Variants in GPR137C observed in about 807,000 individuals in gnomAD.
The protein encoded by GPR137C is G protein-coupled receptor 137C.
In GPR137C, 27 loss-of-function variants were observed where a neutral mutation model predicts 43.4. That is an observed-to-expected ratio of 0.62 (90% CI 0.46 to 0.86). The LOEUF is 0.86. Among genes scored for constraint, GPR137C ranks in the 40% least tolerant of loss-of-function variants. GPR137C has a pLI of 0.00. For missense variants in GPR137C, 522 were observed against 534.6 expected (o/e 0.98, Z 0.23); for synonymous variants, 285 against 226.9 (o/e 1.26, Z -2.30).
chr14:52,574,979 G>A (rs1364052198), intron 1 of GPR137C, among the ~76,000 whole-genome samples: 1 of 152,172 alleles, frequency 6.6e-6, no homozygotes, highest in Non-Finnish European at 1.5e-5. Flanking sequence ...CATAGTTTCA[G>A]CACAAATGCA....
intron 1 of GPR137C, among the ~76,000 whole-genome samples, chr14:52,577,522 A>T (rs887534629): frequency 6.6e-6 from 1 of 151,530 alleles, no homozygotes; most frequent in South Asian, 2.1e-4. Context: ...GCGCGCACAC[A>T]CACACACACA....
At chr14:52,618,062 G>C (rs2039119807) in intron 3 of GPR137C, among the ~76,000 whole-genome samples, 1 of 152,018 alleles carries the variant, frequency 6.6e-6, no homozygotes, top group African/African-American at 2.4e-5. Context: ...GAGGGGTCTT[G>C]TATAATGATC....
At chr14:52,570,274 T>C (rs914092916) in intron 1 of GPR137C, among the ~76,000 whole-genome samples, 24 of 152,078 alleles carry the variant, frequency 1.6e-4, no homozygotes, top group Admixed American at 5.9e-4. Context: ...AGAAATAAAA[T>C]CCTTTACAGA....
chr14:52,558,841 T>C (rs1185046682), intron 1 of GPR137C, among the ~76,000 whole-genome samples: 2 of 151,526 alleles, frequency 1.3e-5, no homozygotes, highest in Non-Finnish European at 2.9e-5. Context: ...AACTAGAAGA[T>C]CTTAGGAAAA....
chr14:52,601,007 C>T (rs2038917539), intron 3 of GPR137C, among the ~76,000 whole-genome samples: 3 of 152,122 alleles, frequency 2.0e-5, no homozygotes, highest in African/African-American at 7.2e-5. Context: ...TTATAAATGC[C>T]TTGCTTCTCC....
intron 3 of GPR137C, among the ~76,000 whole-genome samples, chr14:52,609,925 C>T (rs2039020726): frequency 6.6e-6 from 1 of 152,224 alleles, no homozygotes; most frequent in South Asian, 2.1e-4. Flanking sequence ...TCACTCTCCT[C>T]TTCCTTTTCT....
intron 3 of GPR137C, among the ~76,000 whole-genome samples, chr14:52,626,455 TAAA>T (rs1210331601): frequency 2.8e-5 from 4 of 142,358 alleles, no homozygotes; most frequent in Admixed American, 7.0e-5. Context: ...CCTTCATGAT[TAAA>T]AAAAAAAAAC....
chr14:52,609,304 C>G (rs2039014208), intron 3 of GPR137C, among the ~76,000 whole-genome samples: 1 of 151,770 alleles, frequency 6.6e-6, no homozygotes, highest in Admixed American at 6.6e-5. Flanking sequence ...TGATATATTC[C>G]TCATTTGAGT....
chr14:52,595,755 G>T (rs571969702), intron 1 of GPR137C, among the ~76,000 whole-genome samples: 99 of 152,190 alleles, frequency 6.5e-4, no homozygotes, highest in Non-Finnish European at 1.1e-3. Context: ...TCTTGCATTG[G>T]GTTAGAACAT....
rs934074157 is a variant in GPR137C, at chr14:52,553,289, G to T, written c.142G>T (p.Ala48Ser). 21 of 1,520,714 alleles carry T rather than the reference G, an allele frequency of 1.4e-5. No individual in the cohort carries two copies. The highest frequency in any genetic ancestry group is 2.1e-4 in the Middle Eastern group (1 of 4,752). The allele number at this position is 1,520,714 out of a possible 1,614,324, so 94.2% of individuals were successfully genotyped here. A position where few individuals can be genotyped will look rare whatever the true frequency, so the allele number is the denominator to read the frequency against. Residue 48 changes from alanine to serine, a missense_variant, in exon 1 of 7, where the codon GCG (alanine) becomes TCG (serine). Ala to Ser is a moderately conservative substitution (Grantham distance 99, BLOSUM62 1). Transcript: ENST00000321662. ...GAAVPGSVQLALSVLHALLYA... is the reference protein window; with the variant it reads ...GAAVPGSVQLSLSVLHALLYA... The stretch of plus-strand genomic sequence containing the variant: ...CGCGGTGCCGGGCTCCGTGCAGTTG[G>T]CGCTGAGCGTCCTGCACGCCCTGCT...
chr14:52,566,821 C>A (rs769908677), intron 1 of GPR137C, among the ~76,000 whole-genome samples: 7 of 152,162 alleles, frequency 4.6e-5, no homozygotes, highest in Non-Finnish European at 1.0e-4. Flanking sequence ...CATTAGAACA[C>A]TGGATACAGG....
intron 1 of GPR137C, among the ~76,000 whole-genome samples, chr14:52,591,323 T>C (rs1407984038): frequency 6.6e-6 from 1 of 152,186 alleles, no homozygotes; most frequent in Non-Finnish European, 1.5e-5. Context: ...TAGCATGGTT[T>C]ATAATCCTTT....
intron 1 of GPR137C, among the ~76,000 whole-genome samples, chr14:52,592,133 G>A (rs2038792432): frequency 6.6e-6 from 1 of 152,294 alleles, no homozygotes; most frequent in African/African-American, 2.4e-5. Context: ...TCAGATGGTT[G>A]TAGATGTGGG....
intron 3 of GPR137C, among the ~76,000 whole-genome samples, chr14:52,601,801 C>T (rs904937070): frequency 6.6e-6 from 1 of 151,810 alleles, no homozygotes. Context: ...ATTTCAAGTG[C>T]TTCTTCTCTA....
chr14:52,635,385 T>C lies in GPR137C; in HGVS notation c.*270T>C. ...AAAATCCTGACTTTGGAACATCAAA[T>C]GCATATGTGCACTTTTATCTTTGTT... is the stretch of plus-strand genomic sequence containing the variant. On this transcript the variant is annotated 3_prime_UTR_variant, in exon 7 of 7. Coordinates refer to ENST00000321662, the MANE Select transcript of GPR137C (RefSeq NM_001099652.2). 6.8e-6 allele frequency: 2 copies of C among 294,824 alleles called. No homozygotes were observed. The highest frequency in any genetic ancestry group is 1.1e-4 in the Admixed American group (2 of 18,698). The allele number at this position is 294,824 out of a possible 1,614,324, so 18.3% of individuals were successfully genotyped here. A position where few individuals can be genotyped will look rare whatever the true frequency, so the allele number is the denominator to read the frequency against.
chr14:52,569,648 C>G (rs2038433772), intron 1 of GPR137C, among the ~76,000 whole-genome samples: 1 of 151,396 alleles, frequency 6.6e-6, no homozygotes, highest in Non-Finnish European at 1.5e-5. Context: ...GAAGCATACA[C>G]AAGTATCAAT....
At chr14:52,562,095 AATC>A (rs1225025111) in intron 1 of GPR137C, among the ~76,000 whole-genome samples, 3 of 152,116 alleles carry the variant, frequency 2.0e-5, no homozygotes, top group African/African-American at 7.2e-5. Context: ...TTAGAAAGCT[AATC>A]ATCTAATTTA....
At chr14:52,609,532 G>A (rs1308649044) in intron 3 of GPR137C, among the ~76,000 whole-genome samples, 1 of 152,206 alleles carries the variant, frequency 6.6e-6, no homozygotes, top group Non-Finnish European at 1.5e-5. Flanking sequence ...GTCTGGCTTT[G>A]TTTATGCCTG....
chr14:52,623,894 TTCATTA>T (rs74568032), intron 3 of GPR137C, among the ~76,000 whole-genome samples: 1,966 of 152,204 alleles, frequency 0.013, 31 homozygotes, highest in Admixed American at 0.038. Context: ...TCAAGTATAG[TTCATTA>T]TCATTAAGTA....
Sources: gnomAD v4.1 joint callset for allele counts (sites outside exome capture counted in the v4.1 genomes callset) on GRCh38, gnomAD v4.1.1 for gene constraint, MANE v1.5 for transcripts, NCBI Gene and HGNC (gene_info 2026-07-23, HGNC 2026-07-21) for gene names.